The following SLC49A4 variants were observed in gnomAD, a reference collection of about 807,000 sequenced individuals.
SLC49A4 encodes disrupted in renal cancer protein 2.
SLC49A4 carries 36 observed loss-of-function variants against 50.6 expected under a neutral mutation model. The ratio of observed to expected loss-of-function variants is 0.71; its 90% CI spans 0.55 to 0.94. SLC49A4 has a LOEUF of 0.94. SLC49A4 is among the 40% of genes least tolerant of loss of function. The pLI, the probability that SLC49A4 is intolerant of heterozygous loss-of-function variation, is 0.00. For synonymous variants in SLC49A4, 248 were observed against 241.2 expected, an observed-to-expected ratio of 1.03 and a Z score of -0.26; for missense variants, 503 against 605.7, an observed-to-expected ratio of 0.83 and a Z score of 1.78.
chr3:122,826,620 C>T (rs1255006196), intron 2 of SLC49A4, among the ~76,000 whole-genome samples, 180 bp from the exon 3 acceptor site: 1 of 152,190 alleles, frequency 6.6e-6, no homozygotes, highest in African/African-American at 2.4e-5. Context: ...GATCCTCCCT[C>T]ATAGGGAGTC....
At chr3:122,830,349 C>T (rs991790188) in intron 3 of SLC49A4, among the ~76,000 whole-genome samples, 7 of 152,152 alleles carry the variant, frequency 4.6e-5, no homozygotes, top group African/African-American at 1.7e-4. Flanking sequence ...AAAGGACCAG[C>T]AATATCCAAA....
intron 4 of SLC49A4, among the ~76,000 whole-genome samples, chr3:122,841,231 A>G (rs954058440): frequency 6.6e-6 from 1 of 152,218 alleles, no homozygotes; most frequent in East Asian, 1.9e-4. Flanking sequence ...TAATTATTCT[A>G]AACTTTTTTT....
At chr3:122,796,018 G>C (rs1477816341) in intron 1 of SLC49A4, among the ~76,000 whole-genome samples, 1 of 152,234 alleles carries the variant, frequency 6.6e-6, no homozygotes, top group East Asian at 1.9e-4. Flanking sequence ...GGGAAACTCA[G>C]ATCTGACACT....
intron 2 of SLC49A4, among the ~76,000 whole-genome samples, chr3:122,811,686 A>AT (rs369170601): frequency 2.0e-5 from 3 of 152,234 alleles, no homozygotes; most frequent in African/African-American, 7.2e-5. Context: ...CAGAGAACTG[A>AT]TTAGGATGCA....
intron 3 of SLC49A4, among the ~76,000 whole-genome samples, chr3:122,832,375 TG>T (rs1936619151): frequency 6.6e-6 from 1 of 152,202 alleles, no homozygotes; most frequent in South Asian, 2.1e-4. Context: ...CCTTCTATAA[TG>T]GGGACAAATT....
At chr3:122,807,019 C>T (rs1483107139) in intron 2 of SLC49A4, 69 bp downstream of exon 2, 6 of 878,760 alleles carry the variant, frequency 6.8e-6, no homozygotes, top group African/African-American at 1.7e-5. Flanking sequence ...TTAAGAAGAT[C>T]AGTAAAGGGT....
At chr3:122,800,374 A>G (rs918096050) in intron 1 of SLC49A4, among the ~76,000 whole-genome samples, 7 of 152,250 alleles carry the variant, frequency 4.6e-5, no homozygotes, top group Non-Finnish European at 8.8e-5. Flanking sequence ...TTTGAAATAA[A>G]ATGTAACAAG....
intron 8 of SLC49A4, among the ~76,000 whole-genome samples, chr3:122,875,795 A>G (rs1937259680): frequency 6.6e-6 from 1 of 152,324 alleles, no homozygotes; most frequent in African/African-American, 2.4e-5. Context: ...TTTCAGGGCT[A>G]TACAGACTAA....
In SLC49A4 at chr3:122,860,187, C is replaced by CTACCT; in HGVS notation, c.1125_1129dup (p.Leu377TyrfsTer3). On this transcript the variant is annotated frameshift_variant, in exon 7 of 9. Coordinates refer to ENST00000261038, the MANE Select transcript of SLC49A4 (RefSeq NM_032839.3). LOFTEE classifies it high-confidence loss of function. ...GACCTGTTTGAACAGCATCACACAC[C>CTACCT]TACCTTTAACCACAGGTGAGCATAG... The CTACCT allele has an allele frequency of 6.2e-7, 1 of 1,603,384 alleles. No homozygotes were observed. The highest frequency in any genetic ancestry group is 8.5e-7 in the Non-Finnish European group (1 of 1,175,236).
At chr3:122,834,730 A>G (rs1204324494) in intron 4 of SLC49A4, among the ~76,000 whole-genome samples, 1 of 152,110 alleles carries the variant, frequency 6.6e-6, no homozygotes, top group East Asian at 1.9e-4. Context: ...AACTAAATAA[A>G]ATTGAAACAA....
At chr3:122,836,381 G>C (rs1030370782) in intron 4 of SLC49A4, among the ~76,000 whole-genome samples, 7 of 152,016 alleles carry the variant, frequency 4.6e-5, no homozygotes, top group Admixed American at 4.6e-4. Context: ...TTGATGTGCT[G>C]CTGGATTCGG....
Position 122,796,876 on chromosome 3 carries a change from C to G in SLC49A4, c.343+1341C>G, listed in dbSNP as rs542952521. ...CTGCCCTGGTCAACAGGGCAAGACT[C>G]GTCTCAGAAAAATTAATACATAAAC... On this transcript the variant is annotated intron_variant, in intron 1 of 8. Coordinates refer to ENST00000261038, the MANE Select transcript of SLC49A4 (RefSeq NM_032839.3). Among the ~76,000 whole-genome samples the G allele has an allele frequency of 3.9e-5, 6 of 152,202 alleles. No homozygotes were observed. The South Asian group carries it at 1.2e-3, about 32-fold the overall frequency.
chr3:122,808,351 G>A (rs748275444), intron 2 of SLC49A4, among the ~76,000 whole-genome samples: 3 of 152,186 alleles, frequency 2.0e-5, no homozygotes, highest in Non-Finnish European at 2.9e-5. Flanking sequence ...ATGAAAAGGC[G>A]AGGAAAGGAT....
Position 122,816,275 on chromosome 3 carries a change from C to T in SLC49A4, c.437+9325C>T, listed in dbSNP as rs185345351. Among the ~76,000 whole-genome samples the T allele has an allele frequency of 2.5e-3, 378 of 152,254 alleles. 1 individual carries two copies. The highest frequency in any genetic ancestry group is 3.4e-3 in the Middle Eastern group (1 of 294). Reference sequence around the variant, plus strand: ...CTCATTAAATTTATATTGCAGGCCTCGGGCAGAGAAACTCCCTTAGCAGAG... The same window carrying T: ...CTCATTAAATTTATATTGCAGGCCTTGGGCAGAGAAACTCCCTTAGCAGAG... On this transcript the variant is annotated intron_variant, in intron 2 of 8. Transcript: ENST00000261038.
intron 5 of SLC49A4, among the ~76,000 whole-genome samples, chr3:122,847,058 G>C (rs1936862669): frequency 6.6e-6 from 1 of 152,138 alleles, no homozygotes; most frequent in Non-Finnish European, 1.5e-5. Context: ...CAGCCAGAAT[G>C]GTAACACCTC....
At chr3:122,799,115 C>T (rs760737380) in intron 1 of SLC49A4, among the ~76,000 whole-genome samples, 8 of 152,180 alleles carry the variant, frequency 5.3e-5, no homozygotes, top group Non-Finnish European at 1.0e-4. Flanking sequence ...GATAGCAACC[C>T]AGTGTGTTCC....
In SLC49A4 at chr3:122,840,558, A is replaced by T. The variant is rs540784118; in HGVS notation, c.834-5205A>T. Among the ~76,000 whole-genome samples the T allele has an allele frequency of 2.6e-4, 40 of 152,276 alleles. No homozygotes were observed. The East Asian group carries it at 6.4e-3, about 24-fold the overall frequency. ...ATCAATTTTAGTAGCATATTGTTTA[A>T]CCAAGCATATCTAAAACATTATTTT... is the stretch of plus-strand genomic sequence containing the variant. On this transcript the variant is annotated intron_variant, in intron 4 of 8. Coordinates refer to ENST00000261038, the MANE Select transcript of SLC49A4 (RefSeq NM_032839.3).
chr3:122,811,270 A>G (rs1173735673), intron 2 of SLC49A4, among the ~76,000 whole-genome samples: 1 of 152,258 alleles, frequency 6.6e-6, no homozygotes, highest in African/African-American at 2.4e-5. Flanking sequence ...AAGTTGAAAT[A>G]TAAATGGCAT....
chr3:122,878,531 T>C (rs1298659336), intron 8 of SLC49A4, among the ~76,000 whole-genome samples: 2 of 152,166 alleles, frequency 1.3e-5, no homozygotes, highest in Non-Finnish European at 2.9e-5. Context: ...GAATCCTGAA[T>C]TCATGAGAGA....
Sources: allele counts gnomAD v4.1 joint callset (sites outside exome capture counted in the v4.1 genomes callset), GRCh38; gene constraint gnomAD v4.1.1; transcripts MANE v1.5; gene names NCBI Gene and HGNC (gene_info 2026-07-23, HGNC 2026-07-21).